RBFOX1: variants seen among roughly 807,000 people sequenced by gnomAD.
RBFOX1 encodes the protein RNA binding fox-1 homolog 1.
RBFOX1 carries 8 observed loss-of-function variants against 57.7 expected under a neutral mutation model. The ratio of observed to expected loss-of-function variants is 0.14; its 90% CI spans 0.08 to 0.25. The LOEUF (loss-of-function observed/expected upper bound fraction) is 0.25. Among genes scored for constraint, RBFOX1 ranks in the 10% least tolerant of loss-of-function variants. The pLI, the probability that RBFOX1 is intolerant of heterozygous loss-of-function variation, is 1.00. For synonymous variants in RBFOX1, 326 were observed against 222.4 expected (o/e 1.47, Z -4.15); for missense variants, 611 against 548.5 (o/e 1.11, Z -1.14).
chr16:5,469,206 T>C (rs771892813), intron 2 of RBFOX1, among the ~76,000 whole-genome samples: 1 of 152,222 alleles, frequency 6.6e-6, no homozygotes, highest in Non-Finnish European at 1.5e-5. Flanking sequence ...CATTTTGCAC[T>C]GCTGGGAGCT....
At chr16:6,619,322 G>C (rs2098191566) in intron 2 of RBFOX1, among the ~76,000 whole-genome samples, 1 of 152,084 alleles carries the variant, frequency 6.6e-6, no homozygotes, top group African/African-American at 2.4e-5. Flanking sequence ...TGCATATCTT[G>C]GTACAAGGGA....
chr16:7,368,419 G>A (rs1254096106), intron 4 of RBFOX1, among the ~76,000 whole-genome samples: 4 of 151,944 alleles, frequency 2.6e-5, no homozygotes, highest in Non-Finnish European at 4.4e-5. Context: ...ATCATTCATG[G>A]AGTCTTTATA....
chr16:7,304,245 AG>A, intron 4 of RBFOX1: 1 of 981,632 alleles, frequency 1.0e-6, no homozygotes, highest in Non-Finnish European at 1.2e-6. Flanking sequence ...AGAGAGAGAG[AG>A]ACAGCGCGAG....
At chr16:6,034,557 T>G (rs367580726) in intron 1 of RBFOX1, among the ~76,000 whole-genome samples, 1 of 151,964 alleles carries the variant, frequency 6.6e-6, no homozygotes, top group African/African-American at 2.4e-5. Flanking sequence ...CTCTCCAACC[T>G]TTGGGTAAGG....
chr16:7,691,648 G>T (rs1035885934), intron 14 of RBFOX1, among the ~76,000 whole-genome samples: 1 of 152,112 alleles, frequency 6.6e-6, no homozygotes, highest in African/African-American at 2.4e-5. Context: ...CATTTTAAAA[G>T]TTACCTATTC....
At chr16:7,065,629 C>T (rs1442612828) in intron 4 of RBFOX1, among the ~76,000 whole-genome samples, 1 of 152,102 alleles carries the variant, frequency 6.6e-6, no homozygotes, top group Non-Finnish European at 1.5e-5. Flanking sequence ...ATTGCATGAC[C>T]TCACATACTT....
Position 7,221,347 on chromosome 16 carries a change from A to ATTTATTTC in RBFOX1, c.27+169256_27+169257insCTTTATTT, listed in dbSNP as rs1322463896. Among the ~76,000 whole-genome samples the ATTTATTTC allele has an allele frequency of 1.4e-3, 187 of 131,506 alleles. 5 individuals are homozygous for ATTTATTTC. In the East Asian group the frequency reaches 0.037, roughly 26 times the overall value. 86.3% of individuals were successfully genotyped at this position (131,506 alleles called of 152,430 possible). Reference sequence around the variant, plus strand: ...GTTTATTCTTTATTTTTATTTGATTATTTATTTATTTATTTATTTTTTTAT... The same window carrying ATTTATTTC: ...GTTTATTCTTTATTTTTATTTGATTATTTATTTCTTTATTTATTTATTTATTTTTTTAT... On this transcript the variant is annotated intron_variant, in intron 4 of 15. Transcript: ENST00000550418.
intron 3 of RBFOX1, among the ~76,000 whole-genome samples, chr16:5,777,912 G>T (rs891300651): frequency 6.6e-6 from 1 of 152,154 alleles, no homozygotes; most frequent in African/African-American, 2.4e-5. Context: ...GCTTTTTCAA[G>T]GGCTTGCTTT....
At chr16:7,559,465 A>T (rs1241390112) in intron 5 of RBFOX1, among the ~76,000 whole-genome samples, 1 of 151,880 alleles carries the variant, frequency 6.6e-6, no homozygotes, top group African/African-American at 2.4e-5. Flanking sequence ...TCCAACCCCA[A>T]CCCCATCTGC....
intron 2 of RBFOX1, among the ~76,000 whole-genome samples, chr16:6,496,938 C>A (rs964437163): frequency 6.6e-6 from 1 of 151,938 alleles, no homozygotes; most frequent in African/African-American, 2.4e-5. Flanking sequence ...CCAGCCTGGG[C>A]AACAAGAGAG....
chr16:6,462,012 A>C (rs2094931900), intron 2 of RBFOX1, among the ~76,000 whole-genome samples: 1 of 152,240 alleles, frequency 6.6e-6, no homozygotes, highest in Non-Finnish European at 1.5e-5. Context: ...AGAGCAAACA[A>C]AAATTAAGAA....
chr16:5,388,837 A>G (rs1204181273), intron 1 of RBFOX1, among the ~76,000 whole-genome samples: 1 of 151,592 alleles, frequency 6.6e-6, no homozygotes, highest in East Asian at 2.0e-4. Context: ...TCAGCCTCCC[A>G]AAGTGCTGGG....
intron 2 of RBFOX1, among the ~76,000 whole-genome samples, chr16:6,400,630 T>C (rs1316992735): frequency 6.6e-6 from 1 of 152,220 alleles, no homozygotes; most frequent in African/African-American, 2.4e-5. Context: ...ATGCCTGTAA[T>C]CCCAGCACTG....
In RBFOX1 at chr16:7,381,497, C is replaced by T. The variant is rs4306528; in HGVS notation, c.28-136650C>T. 8.6e-3 allele frequency among the ~76,000 whole-genome samples: 806 copies of T among 93,562 alleles called. 8 individuals carry two copies. Among genetic ancestry groups the T allele is most frequent in the African/African-American group, 0.042 (753 of 17,850 alleles). 61.4% of individuals were successfully genotyped at this position (93,562 alleles called of 152,430 possible). On this transcript the variant is annotated intron_variant, in intron 4 of 15. Transcript: ENST00000550418. ...TACAAAAATGGGTTCATACATCGTT[C>T]CCCCCCGCCTTTTTTTTTTATTTTA...
chr16:6,645,662 A>C (rs1294892201), intron 2 of RBFOX1, among the ~76,000 whole-genome samples: 1 of 152,134 alleles, frequency 6.6e-6, no homozygotes, highest in African/African-American at 2.4e-5. Context: ...TGGAAGAGAA[A>C]ACTTTAAAAA....
chr16:7,203,685 A>G (rs1602990817), intron 4 of RBFOX1, among the ~76,000 whole-genome samples: 1 of 152,164 alleles, frequency 6.6e-6, no homozygotes, highest in East Asian at 1.9e-4. Flanking sequence ...GCCCTAGTCC[A>G]CATTTTGGTT....
intron 3 of RBFOX1, among the ~76,000 whole-genome samples, chr16:6,889,396 C>T (rs568235709): frequency 1.3e-5 from 2 of 152,310 alleles, no homozygotes; most frequent in South Asian, 2.1e-4. Context: ...TGATATCTTA[C>T]ATATGACGGC....
intron 4 of RBFOX1, among the ~76,000 whole-genome samples, chr16:7,430,328 G>T (rs1048653732): frequency 2.0e-5 from 3 of 152,142 alleles, no homozygotes; most frequent in Admixed American, 6.5e-5. Flanking sequence ...TCTTACTGCT[G>T]ATAATATTTT....
At chr16:7,667,880 G>A (rs1016533999) in intron 13 of RBFOX1, among the ~76,000 whole-genome samples, 59 of 152,150 alleles carry the variant, frequency 3.9e-4, no homozygotes, top group African/African-American at 1.4e-3. Context: ...CACCATGTTG[G>A]CCAGGGTGGT....
Sources: gnomAD v4.1 joint callset for allele counts (sites outside exome capture counted in the v4.1 genomes callset) on GRCh38, gnomAD v4.1.1 for gene constraint, MANE v1.5 for transcripts, NCBI Gene and HGNC (gene_info 2026-07-23, HGNC 2026-07-21) for gene names.